The following PKHD1L1 variants were observed in gnomAD, a reference collection of about 807,000 sequenced individuals.
PKHD1L1 encodes fibrocystin-L.
PKHD1L1 carries 434 observed loss-of-function variants against 462.9 expected under a neutral mutation model. The observed-to-expected ratio is 0.94, with a 90% CI of 0.87 to 1.02. The LOEUF (loss-of-function observed/expected upper bound fraction) is 1.02, where lower values mean the gene tolerates loss of function less well. PKHD1L1 is among the 50% of genes least tolerant of loss of function. PKHD1L1 has a pLI of 0.00. For synonymous variants in PKHD1L1, 1,781 were observed against 1,750.0 expected, an observed-to-expected ratio of 1.02 and a Z score of -0.44; for missense variants, 5,202 against 5,096.1, an observed-to-expected ratio of 1.02 and a Z score of -0.63.
Position 109,518,476 on chromosome 8 carries a change from C to G in PKHD1L1, c.11999C>G (p.Pro4000Arg). The part of the protein sequence containing the change: ...GFIIEIEIGD[P>R]PIQFISNGTT... ...ATAATTGAAATAGAGATTGGAGACC[C>G]TCCTATTCAGTTCATAAGCAATGGC... is the stretch of plus-strand genomic sequence containing the variant. The change falls in exon 73 of 78, where the codon CCT (proline) becomes CGT (arginine). Residue 4000 changes from proline to arginine, a missense_variant. Physicochemically the swap from Pro to Arg is moderately radical, Grantham distance 103. Around this residue, in one of 3 missense-constraint regions of PKHD1L1, gnomAD observed 698 missense variants for 736.3 expected, o/e 0.95. Coordinates refer to ENST00000378402, the MANE Select transcript of PKHD1L1 (RefSeq NM_177531.6). 6.2e-7 allele frequency: 1 copy of G among 1,604,552 alleles called. No homozygotes were observed. The highest frequency in any genetic ancestry group is 2.2e-5 in the East Asian group (1 of 44,848).
chr8:109,504,622 T>C (rs1819601525), intron 68 of PKHD1L1, 130 bp downstream of exon 68: 1 of 524,110 alleles, frequency 1.9e-6, no homozygotes, highest in Non-Finnish European at 3.2e-6. Flanking sequence ...ATGAGCATTA[T>C]GAAAATTAAG....
At chr8:109,459,989 A>G (rs1046938418) in intron 47 of PKHD1L1, among the ~76,000 whole-genome samples, 153 bp downstream of exon 47, 14 of 152,124 alleles carry the variant, frequency 9.2e-5, no homozygotes, top group Non-Finnish European at 2.1e-4. Context: ...ACCATTAAAT[A>G]TCTTATAAAT....
At position 109,362,660 on chromosome 8, in the gene PKHD1L1, C is replaced by CT; in HGVS notation, c.73+10dup. 6.3e-7 allele frequency: 1 copy of CT among 1,595,842 alleles called. No individual in the cohort carries two copies. Among genetic ancestry groups the CT allele is most frequent in the Admixed American group, 1.7e-5 (1 of 57,328 alleles). ...GCCGCGGATCCCAGCACAGGTAACC[C>CT]TTTGGGCACGCTAGGCAGGCAAGCA... On this transcript the variant is annotated splice_region_variant and intron_variant, in intron 1 of 77. Coordinates refer to ENST00000378402, the MANE Select transcript of PKHD1L1 (RefSeq NM_177531.6).
chr8:109,396,148 T>C lies in PKHD1L1; in HGVS notation c.922+11T>C, dbSNP rs1377936265. 1 of 1,570,368 alleles carries C rather than the reference T, an allele frequency of 6.4e-7. No individual in the cohort carries two copies. On this transcript the variant is annotated intron_variant, in intron 11 of 77. Coordinates refer to ENST00000378402, the MANE Select transcript of PKHD1L1 (RefSeq NM_177531.6). ...GAGTTCTAGTTGGAGGTATTTCTCA[T>C]GGTTTTTGATATATTACTTTATTAC...
At chr8:109,380,544 T>C (rs1364068972) in intron 2 of PKHD1L1, among the ~76,000 whole-genome samples, 1 of 152,202 alleles carries the variant, frequency 6.6e-6, no homozygotes, top group Admixed American at 6.6e-5. Context: ...ATATAGCATA[T>C]ACCTATGTGC....
chr8:109,481,455 G>T lies in PKHD1L1; in HGVS notation c.9350G>T (p.Trp3117Leu). 1 of 1,598,432 alleles carries T rather than the reference G, an allele frequency of 6.3e-7. No homozygotes were observed. The highest frequency in any genetic ancestry group is 2.3e-5 in the East Asian group (1 of 44,354). ...CAGGGAGGTAGATTAATCGGTGGCT[G>T]GGAAGATAACCCTTTTAAAGGAGAC... is the stretch of plus-strand genomic sequence containing the variant. The part of the protein sequence containing the change: ...SLQGGRLIGG[W>L]EDNPFKGDLK... Residue 3117 changes from tryptophan (W) to leucine (L), a missense_variant, in exon 56 of 78, where the codon TGG becomes TTG. By Grantham distance (61) the Trp-to-Leu change is moderately conservative. Around this residue, in one of 3 missense-constraint regions of PKHD1L1, gnomAD observed 4,497 missense variants for 4,336.8 expected, o/e 1.04. Coordinates refer to ENST00000378402, the MANE Select transcript of PKHD1L1 (RefSeq NM_177531.6).
In PKHD1L1 at chr8:109,443,871, A is replaced by G; in HGVS notation, c.4760A>G (p.His1587Arg). 1 of 1,613,504 alleles carries G rather than the reference A, an allele frequency of 6.2e-7. No individual in the cohort carries two copies. The highest frequency in any genetic ancestry group is 1.3e-5 in the African/African-American group (1 of 75,052). Residue 1587 changes from histidine to arginine, a missense_variant, in exon 37 of 78, where the codon CAT (histidine) becomes CGT (arginine). By Grantham distance (29) the His-to-Arg change is conservative. Coordinates refer to ENST00000378402, the MANE Select transcript of PKHD1L1 (RefSeq NM_177531.6). ...AATGAACTAATAACAATTATTGGACATGGCTTTAGTAATCTCCCATGGGCT... is the reference window on the plus strand; with the variant it reads ...AATGAACTAATAACAATTATTGGACGTGGCTTTAGTAATCTCCCATGGGCT... The part of the protein sequence containing the change: ...TVNELITIIG[H>R]GFSNLPWANK...
Position 109,400,219 on chromosome 8 carries a change from G to C in PKHD1L1, c.1156G>C (p.Asp386His). 1 of 1,613,654 alleles carries C rather than the reference G, an allele frequency of 6.2e-7. No homozygotes were observed. The highest frequency in any genetic ancestry group is 8.5e-7 in the Non-Finnish European group (1 of 1,179,684). Residue 386 changes from aspartate to histidine, a missense_variant, in exon 13 of 78, where the codon GAC (aspartate) becomes CAC (histidine). Asp to His is a moderately conservative substitution (Grantham distance 81, BLOSUM62 -1). This residue lies in a region of PKHD1L1 where 4,497 missense variants were observed against 4,336.8 expected (regional missense o/e 1.04). Coordinates refer to ENST00000378402, the MANE Select transcript of PKHD1L1 (RefSeq NM_177531.6). The part of the protein sequence containing the change: ...SASYIWLMEQ[D>H]TFVARFSGFL... ...TTCCTATATTTGGCTCATGGAACAA[G>C]ACACATTTGTTGCACGCTTTAGTGG... is the stretch of plus-strand genomic sequence containing the variant.
chr8:109,508,049 C>A, intron 69 of PKHD1L1, 48 bp from the exon 70 acceptor site: 1 of 1,532,686 alleles, frequency 6.5e-7, no homozygotes. Context: ...GATTTTTTTG[C>A]AAAGAGATTC....
Position 109,427,006 on chromosome 8 carries a change from C to G in PKHD1L1, c.2850C>G (p.Leu950=). The G allele has an allele frequency of 6.6e-7, 1 of 1,518,800 alleles. No homozygotes were observed. The highest frequency in any genetic ancestry group is 9.1e-7 in the Non-Finnish European group (1 of 1,093,106). 94.1% of individuals were successfully genotyped at this position (1,518,800 alleles called of 1,614,324 possible). A position where few individuals can be genotyped will look rare whatever the true frequency, so the allele number is the denominator to read the frequency against. Residue 950 remains leucine, a synonymous_variant, in exon 25 of 78, where the codon CTC becomes CTG. Transcript: ENST00000378402. ...IQAYGHILKG[L]PAAVSAADLQ... Reference sequence around the variant, plus strand: ...GCCACCCCTCTGTGAGTGCAGGCCTCCCCGCTGCTGTGTCAGCTGCAGATC... The same window carrying G: ...GCCACCCCTCTGTGAGTGCAGGCCTGCCCGCTGCTGTGTCAGCTGCAGATC...
chr8:109,362,795 A>C, intron 1 of PKHD1L1, 142 bp downstream of exon 1: 1 of 846,584 alleles, frequency 1.2e-6, no homozygotes, highest in Non-Finnish European at 1.9e-6. Flanking sequence ...CCTGGGGACC[A>C]GGGGAGCTGG....
rs7006166 is a variant in PKHD1L1, at chr8:109,535,283, C to T, written c.*5193C>T. Among the ~76,000 whole-genome samples, 84,362 of 151,852 alleles carry T rather than the reference C, an allele frequency of 0.56. 24,081 individuals are homozygous for T. Among genetic ancestry groups the T allele is most frequent in the East Asian group, 0.66 (3,431 of 5,164 alleles). Reference sequence around the variant, plus strand: ...GCAATAGTATTTTCCTTTGGTTTTTCATTACAGTAACTTATGCATTTAGGC... The same window carrying T: ...GCAATAGTATTTTCCTTTGGTTTTTTATTACAGTAACTTATGCATTTAGGC... On this transcript the variant is annotated 3_prime_UTR_variant, in exon 78 of 78. Coordinates refer to ENST00000378402, the MANE Select transcript of PKHD1L1 (RefSeq NM_177531.6).
Position 109,493,750 on chromosome 8 carries a change from A to C in PKHD1L1, c.10326A>C (p.Pro3442=), listed in dbSNP as rs778208608. 4.4e-6 allele frequency: 7 copies of C among 1,589,670 alleles called. No individual in the cohort carries two copies. Among genetic ancestry groups the C allele is most frequent in the Non-Finnish European group, 6.0e-6 (7 of 1,168,570 alleles). Reference sequence around the variant, plus strand: ...ACCGCATTGATGGTGAACCTTGCCCAGGTAAGTCTTTTAAACCAGGAATCG... The same window carrying C: ...ACCGCATTGATGGTGAACCTTGCCCCGGTAAGTCTTTTAAACCAGGAATCG... The part of the protein sequence containing the change: ...AGYRIDGEPC[P]GQFNPVEKWF... The change falls in exon 63 of 78, where the codon CCA becomes CCC. Residue 3442 remains proline (P), a splice_region_variant and synonymous_variant. Transcript: ENST00000378402.
chr8:109,429,058 AT>A (rs1291127443), intron 25 of PKHD1L1, among the ~76,000 whole-genome samples: 1 of 152,134 alleles, frequency 6.6e-6, no homozygotes, highest in Non-Finnish European at 1.5e-5. Flanking sequence ...TTTTAGATTT[AT>A]TTTTTAATTA....
intron 4 of PKHD1L1, 125 bp from the exon 5 acceptor site, chr8:109,383,945 T>G: frequency 1.4e-6 from 1 of 727,458 alleles, no homozygotes; most frequent in East Asian, 2.6e-5. Context: ...TTAAATATCT[T>G]CTTTCCTACA....
Position 109,362,490 on chromosome 8 carries a change from C to G in PKHD1L1, c.-91C>G. The stretch of plus-strand genomic sequence containing the variant: ...CCCAGCTCTCCCGGGACGAAGCGGG[C>G]CCGCCAGCGAGTCGCAGTCCCAGGA... On this transcript the variant is annotated 5_prime_UTR_variant, in exon 1 of 78. Coordinates refer to ENST00000378402, the MANE Select transcript of PKHD1L1 (RefSeq NM_177531.6). 7.7e-7 allele frequency: 1 copy of G among 1,295,334 alleles called. No homozygotes were observed. The highest frequency in any genetic ancestry group is 1.1e-6 in the Non-Finnish European group (1 of 919,210). 80.2% of individuals were successfully genotyped at this position (1,295,334 alleles called of 1,614,324 possible).
rs1275455669 is a variant in PKHD1L1, at chr8:109,449,389, C to G, written c.6077C>G (p.Pro2026Arg). Residue 2026 changes from proline to arginine, a missense_variant, in exon 40 of 78, where the codon CCA (proline) becomes CGA (arginine). By Grantham distance (103) the Pro-to-Arg change is moderately radical. This residue lies in a region of PKHD1L1 where 4,497 missense variants were observed against 4,336.8 expected (regional missense o/e 1.04). Transcript: ENST00000378402. ...TMTVTGTGFN[P>R]QNSIILVCGS... is the part of the protein sequence containing the mutation. ...ACTGTGACAGGCACCGGATTTAATC[C>G]ACAAAATTCAATTATATTAGTTTGT... is the stretch of plus-strand genomic sequence containing the variant. 2.4e-5 allele frequency: 38 copies of G among 1,586,984 alleles called. No individual in the cohort carries two copies. Among genetic ancestry groups the G allele is most frequent in the Non-Finnish European group, 3.2e-5 (37 of 1,165,234 alleles).
intron 16 of PKHD1L1, among the ~76,000 whole-genome samples, chr8:109,405,699 G>A (rs913223401): frequency 2.0e-5 from 3 of 151,712 alleles, no homozygotes; most frequent in Non-Finnish European, 4.4e-5. Context: ...GGGTGGGGTC[G>A]GCACGGGGAG....
chr8:109,475,630 A>T (rs1277986170), intron 51 of PKHD1L1, among the ~76,000 whole-genome samples: 1 of 151,720 alleles, frequency 6.6e-6, no homozygotes. Context: ...TGAGGTCAAG[A>T]GTTTGAGACC....
Sources: gnomAD v4.1 joint callset for allele counts (sites outside exome capture counted in the v4.1 genomes callset) on GRCh38, gnomAD v4.1.1 for gene constraint, gnomAD v4.1.1 regional missense constraint, MANE v1.5 for transcripts, NCBI Gene and HGNC (gene_info 2026-07-23, HGNC 2026-07-21) for gene names.